The following ZNF91 variants were observed in gnomAD, a reference collection of about 807,000 sequenced individuals.
ZNF91 encodes the protein zinc finger protein 91 (HPF7, HTF10).
ZNF91 carries 7 observed loss-of-function variants against 12.6 expected under a neutral mutation model. The ratio of observed to expected loss-of-function variants is 0.55; its 90% CI spans 0.31 to 1.04. ZNF91 has a LOEUF of 1.04. Among genes scored for constraint, ZNF91 ranks in the 50% least tolerant of loss-of-function variants. ZNF91 has a pLI of 0.05. For synonymous variants in ZNF91, 453 were observed against 462.6 expected (o/e 0.98, Z 0.27); for missense variants, 1,217 against 1,385.4 (o/e 0.88, Z 1.93).
intron 3 of ZNF91, among the ~76,000 whole-genome samples, chr19:23,370,783 G>T (rs1010198008): frequency 6.6e-6 from 1 of 152,132 alleles, no homozygotes; most frequent in South Asian, 2.1e-4. Flanking sequence ...TGGTCTTACA[G>T]AAGTGAGCCA....
chr19:23,386,125 CTA>C (rs766085984), intron 1 of ZNF91, among the ~76,000 whole-genome samples: 9 of 152,040 alleles, frequency 5.9e-5, no homozygotes, highest in Non-Finnish European at 1.3e-4. Flanking sequence ...TGAAAGATCT[CTA>C]TAAGAATTAC....
At chr19:23,327,655 TGAG>T (rs1398544468) in intron 1 of ZNF91, 2 of 152,248 alleles carry the variant, frequency 1.3e-5, no homozygotes, top group African/African-American at 4.8e-5. Flanking sequence ...GTTTCATTTC[TGAG>T]GAGGCTTGTG....
At chr19:23,356,350 C>T (rs143120374), downstream of ZNF91, among the ~76,000 whole-genome samples, 1,121 of 151,880 alleles carry the variant, frequency 7.4e-3, 14 homozygotes, top group African/African-American at 0.026. Context: ...TATATAAACA[C>T]TTAAAATGTA....
At chr19:23,377,204 C>A (rs1311355296) in intron 1 of ZNF91, among the ~76,000 whole-genome samples, 2 of 152,148 alleles carry the variant, frequency 1.3e-5, no homozygotes, top group Non-Finnish European at 2.9e-5. Context: ...TCCTGGACCA[C>A]CCTTTAGTGC....
At chr19:23,366,856 TAACATC>T (rs1490352307) in intron 3 of ZNF91, among the ~76,000 whole-genome samples, 1 of 152,336 alleles carries the variant, frequency 6.6e-6, no homozygotes, top group East Asian at 1.9e-4. Flanking sequence ...AAGGTTTGAG[TAACATC>T]AACATCAATA....
chr19:23,351,037 AC>A (rs1968352084), intron 3 of ZNF91, among the ~76,000 whole-genome samples: 2 of 152,278 alleles, frequency 1.3e-5, no homozygotes, highest in African/African-American at 4.8e-5. Context: ...CAAAGAAAAT[AC>A]TTTCATGCCG....
At position 23,373,763 on chromosome 19, in the gene ZNF91, C is replaced by T. The variant is rs1311485707; in HGVS notation, c.232G>A (p.Glu78Lys). ...GKEPWNMKQH[E>K]MVDEPTGICP... ...CTACCTGTGGGTTCATCCACCATCT[C>T]ATGTTGCTTCATATTCCAGGGCTCT... Residue 78 changes from glutamate to lysine, a missense_variant, in exon 3 of 4, where the codon GAG (glutamate) becomes AAG (lysine). Around this residue, in one of 2 missense-constraint regions of ZNF91, gnomAD observed 726 missense variants for 895.5 expected, o/e 0.81. Coordinates refer to ENST00000300619, the MANE Select transcript of ZNF91 (RefSeq NM_003430.4). The T allele has an allele frequency of 1.2e-6, 2 of 1,610,734 alleles. No individual in the cohort carries two copies. Among genetic ancestry groups the T allele is most frequent in the Non-Finnish European group, 1.7e-6 (2 of 1,178,178 alleles).
chr19:23,362,706 A>C lies in ZNF91; in HGVS notation c.273T>G (p.Pro91=). 6.8e-7 allele frequency: 1 copy of C among 1,480,018 alleles called. No homozygotes were observed. Among genetic ancestry groups the C allele is most frequent in the Non-Finnish European group, 9.0e-7 (1 of 1,117,244 alleles). 91.7% of individuals were successfully genotyped at this position (1,480,018 alleles called of 1,614,324 possible). A position where few individuals can be genotyped will look rare whatever the true frequency, so the allele number is the denominator to read the frequency against. ...DEPTGICPHF[P]QDFWPEQSME... is the part of the protein sequence containing the mutation. ...TGCTCTGCTCTGGCCAAAAGTCTTG[A>C]GGAAAATGAGGACATATACCTGAAA... Residue 91 remains proline (P), a synonymous_variant, in exon 4 of 4, where the codon CCT becomes CCG. Coordinates refer to ENST00000300619, the MANE Select transcript of ZNF91 (RefSeq NM_003430.4).
chr19:23,387,702 G>A (rs1216638840), intron 1 of ZNF91, among the ~76,000 whole-genome samples: 1 of 152,170 alleles, frequency 6.6e-6, no homozygotes, highest in East Asian at 1.9e-4. Context: ...AACTTTGGGA[G>A]GCCAAGGTGG....
intron 3 of ZNF91, among the ~76,000 whole-genome samples, chr19:23,348,058 C>G (rs1394797102): frequency 6.6e-6 from 1 of 152,208 alleles, no homozygotes; most frequent in Non-Finnish European, 1.5e-5. Context: ...CCCAAGGCAT[C>G]TCTATATCCT....
chr19:23,331,545 T>C (rs887045878), intron 1 of ZNF91, among the ~76,000 whole-genome samples: 6 of 152,180 alleles, frequency 3.9e-5, no homozygotes, highest in Non-Finnish European at 8.8e-5. Context: ...AGTGTGTGTG[T>C]ATGTTTGGTC....
chr19:23,315,243 T>A (rs1007463962), upstream of ZNF91, among the ~76,000 whole-genome samples: 7 of 152,196 alleles, frequency 4.6e-5, no homozygotes, highest in African/African-American at 1.7e-4. Context: ...TATTGTGACA[T>A]ATGGCTGGGT....
intron 1 of ZNF91, among the ~76,000 whole-genome samples, chr19:23,377,280 G>A (rs1568398309): frequency 6.6e-6 from 1 of 152,156 alleles, no homozygotes; most frequent in African/African-American, 2.4e-5. Flanking sequence ...GCACCTTAGA[G>A]TCACAGGAGA....
intron 3 of ZNF91, among the ~76,000 whole-genome samples, chr19:23,351,290 C>A (rs1406077525): frequency 3.3e-5 from 5 of 150,104 alleles, no homozygotes; most frequent in African/African-American, 1.2e-4. Context: ...CACCACTGCA[C>A]TCCAGCTGGG....
At chr19:23,323,866 C>T (rs1180062181) in intron 1 of ZNF91, 1 of 125,188 alleles carries the variant, frequency 8.0e-6, no homozygotes, top group African/African-American at 3.8e-5. Flanking sequence ...CTATTCTTCT[C>T]CTCTTCGTTT....
At chr19:23,353,398 T>G (rs896931294), downstream of ZNF91, among the ~76,000 whole-genome samples, 2 of 152,074 alleles carry the variant, frequency 1.3e-5, no homozygotes, top group African/African-American at 4.8e-5. Flanking sequence ...ATAAAAAAAT[T>G]CTTCAAACTG....
In ZNF91 at chr19:23,360,046, G is replaced by A. The variant is rs1011015722; in HGVS notation, c.2933C>T (p.Ser978Phe). Residue 978 changes from serine to phenylalanine, a missense_variant, in exon 4 of 4, where the codon TCT (serine) becomes TTT (phenylalanine). Ser to Phe is a radical substitution (Grantham distance 155). Coordinates refer to ENST00000300619, the MANE Select transcript of ZNF91 (RefSeq NM_003430.4). Reference protein sequence around the residue: ...CEECGKAFRKSSTLTEHKIIH... With the variant: ...CEECGKAFRKFSTLTEHKIIH... ...TATCTTATGTTCAGTAAGAGTTGAA[G>A]ATTTCCTAAAAGCTTTGCCACATTC... is the stretch of plus-strand genomic sequence containing the variant. 1.9e-6 allele frequency: 3 copies of A among 1,613,230 alleles called. No homozygotes were observed. The African/African-American group carries it at 4.0e-5, about 22-fold the overall frequency.
chr19:23,394,744 C>G (rs1568408450), intron 1 of ZNF91, among the ~76,000 whole-genome samples: 1 of 152,104 alleles, frequency 6.6e-6, no homozygotes, highest in Non-Finnish European at 1.5e-5. Flanking sequence ...CAAAACAAAA[C>G]AAAACCTACA....
downstream of ZNF91, among the ~76,000 whole-genome samples, chr19:23,334,895 C>A (rs532131893): frequency 6.6e-6 from 1 of 152,202 alleles, no homozygotes; most frequent in African/African-American, 2.4e-5. Flanking sequence ...AACCAAGTTA[C>A]CTAAATAGTT....
Sources: allele counts gnomAD v4.1 joint callset (sites outside exome capture counted in the v4.1 genomes callset), GRCh38; gene constraint gnomAD v4.1.1; regional missense constraint gnomAD v4.1.1; transcripts MANE v1.5; gene names NCBI Gene and HGNC (gene_info 2026-07-23, HGNC 2026-07-21).